The following HNRNPM variants were observed in gnomAD, a reference collection of about 807,000 sequenced individuals.
HNRNPM encodes CEA receptor.
A neutral mutation model predicts 73.1 loss-of-function variants in HNRNPM; 11 were observed. The observed-to-expected ratio is 0.15, with a 90% confidence interval of 0.09 to 0.25. The LOEUF (loss-of-function observed/expected upper bound fraction) is 0.25. Ranked by LOEUF, HNRNPM falls within the 10% of genes least tolerant of loss-of-function variation. HNRNPM has a pLI of 1.00. For synonymous variants in HNRNPM, 407 were observed against 355.2 expected (o/e 1.15, Z -1.64); for missense variants, 789 against 1,067.9 (o/e 0.74, Z 3.64).
At chr19:8,477,902 G>GAGAGGTA (rs1322937889) in intron 12 of HNRNPM, among the ~76,000 whole-genome samples, 2 of 152,200 alleles carry the variant, frequency 1.3e-5, no homozygotes, top group Non-Finnish European at 2.9e-5. Flanking sequence ...ACCAGCATGT[G>GAGAGGTA]ACCTTGGTCA....
chr19:8,451,260 C>T (rs1968600440), intron 1 of HNRNPM, among the ~76,000 whole-genome samples: 1 of 152,104 alleles, frequency 6.6e-6, no homozygotes, highest in African/African-American at 2.4e-5. Context: ...CCAGGCTGGT[C>T]TTGAACTCCT....
chr19:8,463,845 T>G, intron 5 of HNRNPM, 159 bp downstream of exon 5: 5 of 586,088 alleles, frequency 8.5e-6, no homozygotes, highest in East Asian at 2.9e-5. Flanking sequence ...ACAGCAGCCA[T>G]TCCCTGCAAG....
rs112964120 is a variant in HNRNPM, at chr19:8,458,061, C to T, written c.283+2487C>T. Among the ~76,000 whole-genome samples, 32 of 152,320 alleles carry T rather than the reference C, an allele frequency of 2.1e-4. 1 individual carries two copies. Among genetic ancestry groups the T allele is most frequent in the African/African-American group, 6.7e-4 (28 of 41,556 alleles). ...AAATTTTCTGTCATTATAGCACTAT[C>T]TAATTGCAGCCTCTCAGAACTAAAG... On this transcript the variant is annotated intron_variant, in intron 2 of 15. Coordinates refer to ENST00000325495, the MANE Select transcript of HNRNPM (RefSeq NM_005968.5).
At chr19:8,475,343 A>G (rs1970425584) in intron 12 of HNRNPM, among the ~76,000 whole-genome samples, 2 of 152,218 alleles carry the variant, frequency 1.3e-5, no homozygotes, top group South Asian at 4.1e-4. Flanking sequence ...GAAATCCTTT[A>G]TGTGTTGGTG....
chr19:8,481,596 A>G (rs1970920579), intron 12 of HNRNPM: 1 of 152,238 alleles, frequency 6.6e-6, no homozygotes, highest in Admixed American at 6.5e-5. Flanking sequence ...AGGGGTGTGC[A>G]CGGGAGAATA....
chr19:8,462,451 TG>T lies in HNRNPM; in HGVS notation c.284-77del. 8.1e-7 allele frequency: 1 copy of T among 1,239,732 alleles called. No homozygotes were observed. Among genetic ancestry groups the T allele is most frequent in the Non-Finnish European group, 1.2e-6 (1 of 838,826 alleles). 76.8% of individuals were successfully genotyped at this position (1,239,732 alleles called of 1,614,324 possible). A position where few individuals can be genotyped will look rare whatever the true frequency, so the allele number is the denominator to read the frequency against. On this transcript the variant is annotated intron_variant, in intron 2 of 15. Coordinates refer to ENST00000325495, the MANE Select transcript of HNRNPM (RefSeq NM_005968.5). The surrounding 1 kb of genome is among the most constrained non-coding windows in gnomAD (Gnocchi z 4.5). The stretch of plus-strand genomic sequence containing the variant: ...AGGCAGAGGCTCCATACAAGGTTGC[TG>T]ATGATTGTTCTAAATTCCCATTGTT...
At chr19:8,472,983 A>G (rs907950475) in intron 10 of HNRNPM, among the ~76,000 whole-genome samples, 5 of 152,218 alleles carry the variant, frequency 3.3e-5, no homozygotes, top group Non-Finnish European at 7.3e-5. Flanking sequence ...CATGTTTAAT[A>G]CTGCCTAACT....
chr19:8,488,841 A>G lies in HNRNPM; in HGVS notation c.2180A>G (p.Asp727Gly). The G allele has an allele frequency of 1.2e-6, 2 of 1,613,686 alleles. No homozygotes were observed. The highest frequency in any genetic ancestry group is 1.7e-6 in the Non-Finnish European group (2 of 1,179,666). ...LSGREIDVRI[D>G]RNA is the part of the protein sequence containing the mutation. ...GGCCGAGAGATTGACGTTCGAATTG[A>G]TAGAAACGCTTAAGCAGTTGCCTTT... Residue 727 changes from aspartate (D) to glycine (G), a missense_variant, in exon 16 of 16, where the codon GAT becomes GGT. Physicochemically the swap from Asp to Gly is moderately conservative, Grantham distance 94. Around this residue, in one of 4 missense-constraint regions of HNRNPM, gnomAD observed 43 missense variants for 105.8 expected, o/e 0.41. Coordinates refer to ENST00000325495, the MANE Select transcript of HNRNPM (RefSeq NM_005968.5).
chr19:8,474,111 C>T, intron 11 of HNRNPM, 56 bp from the exon 12 acceptor site: 1 of 1,285,224 alleles, frequency 7.8e-7, no homozygotes, highest in Non-Finnish European at 1.1e-6. Flanking sequence ...TTTTCTTTCC[C>T]TGCTTAGTCT....
At chr19:8,479,795 GAC>G (rs1445692089) in intron 12 of HNRNPM, among the ~76,000 whole-genome samples, 1 of 109,958 alleles carries the variant, frequency 9.1e-6, no homozygotes, top group East Asian at 2.6e-4. Context: ...TTTTTTTTGC[GAC>G]AGAGTCTCGC....
At chr19:8,459,060 C>T (rs971063928) in intron 2 of HNRNPM, among the ~76,000 whole-genome samples, 3 of 152,002 alleles carry the variant, frequency 2.0e-5, no homozygotes, top group East Asian at 1.9e-4. Context: ...CCCAAGTAGC[C>T]GGGATTAGGC....
intron 1 of HNRNPM, among the ~76,000 whole-genome samples, chr19:8,451,627 T>C (rs1366467475): frequency 6.6e-6 from 1 of 152,126 alleles, no homozygotes; most frequent in Non-Finnish European, 1.5e-5. Context: ...ACCCTTGACC[T>C]CCTGGAGCCA....
intron 1 of HNRNPM, among the ~76,000 whole-genome samples, chr19:8,454,675 C>G (rs1248997200): frequency 9.3e-6 from 1 of 107,428 alleles, no homozygotes; most frequent in African/African-American, 3.8e-5. Context: ...CATTTTATGC[C>G]CCCCCCCCCT....
intron 12 of HNRNPM, among the ~76,000 whole-genome samples, chr19:8,480,367 C>G (rs899445334): frequency 1.6e-5 from 2 of 124,324 alleles, no homozygotes; most frequent in African/African-American, 5.7e-5. Flanking sequence ...AAAATTAAAA[C>G]TTACTGTCAT....
intron 7 of HNRNPM, 102 bp downstream of exon 7, chr19:8,466,490 T>A: frequency 5.0e-6 from 6 of 1,194,226 alleles, no homozygotes; most frequent in Non-Finnish European, 6.2e-6. Context: ...GTATTCATGT[T>A]TTTTATGTGA....
chr19:8,448,602 C>T (rs1422034765), intron 1 of HNRNPM, among the ~76,000 whole-genome samples: 2 of 151,746 alleles, frequency 1.3e-5, no homozygotes, highest in South Asian at 2.1e-4. Flanking sequence ...CTCAGCCTCA[C>T]GAGTAGCTGG....
chr19:8,446,012 C>T (rs565042647), intron 1 of HNRNPM, among the ~76,000 whole-genome samples: 4 of 152,234 alleles, frequency 2.6e-5, no homozygotes, highest in Non-Finnish European at 4.4e-5. Context: ...GACTTGTGCC[C>T]CGGTGAAACT....
intron 12 of HNRNPM, among the ~76,000 whole-genome samples, chr19:8,475,273 T>A (rs1389927333): frequency 1.4e-5 from 2 of 141,380 alleles, no homozygotes; most frequent in African/African-American, 4.9e-5. Context: ...GCACAGCACT[T>A]GGCCCAGGGC....
At chr19:8,451,130 C>G (rs950649249) in intron 1 of HNRNPM, among the ~76,000 whole-genome samples, 1 of 152,082 alleles carries the variant, frequency 6.6e-6, no homozygotes, top group Non-Finnish European at 1.5e-5. Flanking sequence ...TGGTCTCAAA[C>G]TCCTGACCTA....
Sources: allele counts gnomAD v4.1 joint callset (sites outside exome capture counted in the v4.1 genomes callset), GRCh38; gene constraint gnomAD v4.1.1; regional missense constraint gnomAD v4.1.1; non-coding constraint Gnocchi (gnomAD v3.1); transcripts MANE v1.5; gene names NCBI Gene and HGNC (gene_info 2026-07-23, HGNC 2026-07-21).